The following DTNBP1 variants were observed in gnomAD, a reference collection of about 807,000 sequenced individuals.
DTNBP1 encodes dysbindin.
Under a neutral mutation model 42.8 loss-of-function variants are expected in DTNBP1, and 35 were observed. That is an observed-to-expected ratio of 0.82 (90% CI 0.63 to 1.09). The LOEUF is 1.09. Among genes scored for constraint, DTNBP1 ranks in the 50% least tolerant of loss-of-function variants. The probability of loss-of-function intolerance (pLI) is 0.00; values close to 1 mark genes in which losing one functional copy is unlikely to be tolerated. For missense variants in DTNBP1, 457 were observed against 424.2 expected, an observed-to-expected ratio of 1.08 and a Z score of -0.68; for synonymous variants, 171 against 162.2, an observed-to-expected ratio of 1.05 and a Z score of -0.41.
chr6:15,524,886 A>G (rs1478980150), intron 8 of DTNBP1, among the ~76,000 whole-genome samples: 3 of 152,206 alleles, frequency 2.0e-5, no homozygotes, highest in Admixed American at 6.5e-5. Context: ...CACTTCCTTA[A>G]TCTGTTCATC....
intron 6 of DTNBP1, among the ~76,000 whole-genome samples, chr6:15,593,316 C>T (rs1218621354): frequency 6.6e-6 from 1 of 152,086 alleles, no homozygotes; most frequent in Non-Finnish European, 1.5e-5. Flanking sequence ...CACCAGAATC[C>T]AAATAATAAT....
intron 6 of DTNBP1, among the ~76,000 whole-genome samples, chr6:15,613,753 G>A (rs998429882): frequency 6.6e-6 from 1 of 151,892 alleles, no homozygotes; most frequent in African/African-American, 2.4e-5. Flanking sequence ...TGGAAAATTC[G>A]CACACATACA....
chr6:15,607,776 GAATT>G (rs3045756), intron 6 of DTNBP1, among the ~76,000 whole-genome samples: 19,128 of 152,026 alleles, frequency 0.13, 1,503 homozygotes, highest in African/African-American at 0.23. Context: ...ATGTTATATG[GAATT>G]AATTAAAAAA....
At chr6:15,600,596 A>G (rs1305120068) in intron 6 of DTNBP1, among the ~76,000 whole-genome samples, 2 of 152,206 alleles carry the variant, frequency 1.3e-5, no homozygotes, top group Non-Finnish European at 2.9e-5. Context: ...AGACTAATTA[A>G]GAGGCTATTA....
At chr6:15,527,142 T>A (rs1372053425) in intron 8 of DTNBP1, among the ~76,000 whole-genome samples, 1 of 152,232 alleles carries the variant, frequency 6.6e-6, no homozygotes, top group Non-Finnish European at 1.5e-5. Context: ...AATATTGGGA[T>A]AAAGAGTAGT....
At chr6:15,654,218 A>C (rs1313279695) in intron 1 of DTNBP1, among the ~76,000 whole-genome samples, 3 of 152,130 alleles carry the variant, frequency 2.0e-5, no homozygotes, top group African/African-American at 7.3e-5. Flanking sequence ...TAAAAGTCTA[A>C]TATAAATTTC....
At chr6:15,612,395 A>G (rs1758457666) in intron 6 of DTNBP1, among the ~76,000 whole-genome samples, 1 of 152,278 alleles carries the variant, frequency 6.6e-6, no homozygotes, top group African/African-American at 2.4e-5. Context: ...TGCAGAATGC[A>G]GTGGACTGGA....
intron 3 of DTNBP1, among the ~76,000 whole-genome samples, chr6:15,650,004 A>G (rs1760897565): frequency 6.6e-6 from 1 of 152,236 alleles, no homozygotes; most frequent in Non-Finnish European, 1.5e-5. Flanking sequence ...TGTTCTTCAC[A>G]CAACAAAACA....
chr6:15,554,745 T>C lies in DTNBP1; in HGVS notation c.512-21350A>G, dbSNP rs191352922. Among the ~76,000 whole-genome samples the C allele has an allele frequency of 2.4e-3, 363 of 151,154 alleles. 3 individuals carry two copies. Among genetic ancestry groups the C allele is most frequent in the African/African-American group, 8.5e-3 (348 of 40,710 alleles). ...GGAGCTTCATGCTCCTTCATGGGACTGATGTACAAAAAAATGGTGGCATTA... is the reference window on the plus strand; with the variant it reads ...GGAGCTTCATGCTCCTTCATGGGACCGATGTACAAAAAAATGGTGGCATTA... On this transcript the variant is annotated intron_variant, in intron 7 of 9. Coordinates refer to ENST00000344537, the MANE Select transcript of DTNBP1 (RefSeq NM_032122.5).
rs773080735 is a variant in DTNBP1, at chr6:15,662,809, C to T, written c.56+5G>A. Reference sequence around the variant, plus strand: ...GTCCCTTTTCGTCGCCCACCGTATACCCACCCGGAGGTGAAATCCTGCTGC... The same window carrying T: ...GTCCCTTTTCGTCGCCCACCGTATATCCACCCGGAGGTGAAATCCTGCTGC... On this transcript the variant is annotated splice_donor_5th_base_variant and intron_variant, in intron 1 of 9. Coordinates refer to ENST00000344537, the MANE Select transcript of DTNBP1 (RefSeq NM_032122.5). The T allele has an allele frequency of 1.9e-6, 3 of 1,612,062 alleles. No individual in the cohort carries two copies. The highest frequency in any genetic ancestry group is 3.3e-5 in the Admixed American group (2 of 60,000).
intron 1 of DTNBP1, among the ~76,000 whole-genome samples, chr6:15,662,517 G>A (rs1761704271): frequency 6.6e-6 from 1 of 152,228 alleles, no homozygotes; most frequent in South Asian, 2.1e-4. Flanking sequence ...CCCAGCTGAT[G>A]CTGCCGGGAA....
intron 7 of DTNBP1, among the ~76,000 whole-genome samples, chr6:15,538,457 C>T (rs185918855): frequency 3.3e-5 from 5 of 152,316 alleles, no homozygotes; most frequent in Admixed American, 1.3e-4. Flanking sequence ...CAGAAAACAA[C>T]GCAGCTCTGC....
chr6:15,627,512 G>C, intron 4 of DTNBP1, 37 bp from the exon 5 acceptor site: 2 of 1,612,522 alleles, frequency 1.2e-6, no homozygotes, highest in Non-Finnish European at 1.7e-6. Context: ...GTGAAACCAG[G>C]TTTTAGGCAC....
chr6:15,610,059 T>A (rs935968992), intron 6 of DTNBP1, among the ~76,000 whole-genome samples: 1 of 152,224 alleles, frequency 6.6e-6, no homozygotes, highest in African/African-American at 2.4e-5. Flanking sequence ...CTGTTTTCAA[T>A]ACATTTGTAT....
At chr6:15,552,413 C>T (rs1334730223) in intron 7 of DTNBP1, among the ~76,000 whole-genome samples, 1 of 152,130 alleles carries the variant, frequency 6.6e-6, no homozygotes, top group African/African-American at 2.4e-5. Context: ...TAGCACACAA[C>T]CTATAAGCTG....
At chr6:15,626,382 C>A (rs889241716) in intron 5 of DTNBP1, among the ~76,000 whole-genome samples, 1 of 152,176 alleles carries the variant, frequency 6.6e-6, no homozygotes, top group African/African-American at 2.4e-5. Flanking sequence ...TGTTCACACA[C>A]AAAAAACTGT....
rs746181542 is a variant in DTNBP1, at chr6:15,524,578, G to A, written c.759C>T (p.Asp253=). ...LMDISDQEAL[D]VFLNSGGEEN... is the part of the protein sequence containing the mutation. ...CTTCTCCTCCAGAGTTCAGGAAGAC[G>A]TCCAGGGCCTCCTGGTCCGATATGT... The change falls in exon 9 of 10, where the codon GAC becomes GAT. Residue 253 remains aspartate, a synonymous_variant. Coordinates refer to ENST00000344537, the MANE Select transcript of DTNBP1 (RefSeq NM_032122.5). 33 of 1,612,518 alleles carry A rather than the reference G, an allele frequency of 2.0e-5. No individual in the cohort carries two copies. The highest frequency in any genetic ancestry group is 6.7e-5 in the Admixed American group (4 of 59,842).
chr6:15,624,133 G>A (rs948932937), intron 5 of DTNBP1, among the ~76,000 whole-genome samples: 19 of 152,222 alleles, frequency 1.2e-4, no homozygotes, highest in Non-Finnish European at 2.2e-4. Flanking sequence ...ACTGTGCTAA[G>A]TGGTTACGTT....
At chr6:15,567,651 A>C (rs996406328) in intron 7 of DTNBP1, among the ~76,000 whole-genome samples, 2 of 152,150 alleles carry the variant, frequency 1.3e-5, no homozygotes, top group African/African-American at 4.8e-5. Context: ...ACCAATGTAC[A>C]CCTCACATGT....
Sources: allele counts gnomAD v4.1 joint callset (sites outside exome capture counted in the v4.1 genomes callset), GRCh38; gene constraint gnomAD v4.1.1; transcripts MANE v1.5; gene names NCBI Gene and HGNC (gene_info 2026-07-23, HGNC 2026-07-21).